KLF12: variants seen among roughly 807,000 people sequenced by gnomAD.
KLF12 encodes the protein Krueppel-like factor 12.
Under a neutral mutation model 37.8 loss-of-function variants are expected in KLF12, and 9 were observed. The observed-to-expected ratio is 0.24, with a 90% CI of 0.14 to 0.42. The LOEUF (loss-of-function observed/expected upper bound fraction) is 0.42, where lower values mean the gene tolerates loss of function less well. Ranked by LOEUF, KLF12 falls within the 10% of genes least tolerant of loss-of-function variation. The pLI is 1.00. For missense variants in KLF12, 411 were observed against 516.0 expected (o/e 0.80, Z 1.97); for synonymous variants, 208 against 202.1 (o/e 1.03, Z -0.25).
chr13:73,908,759 C>T (rs1380841534), intron 3 of KLF12, among the ~76,000 whole-genome samples: 2 of 152,066 alleles, frequency 1.3e-5, no homozygotes, highest in Admixed American at 6.5e-5. Flanking sequence ...GGATTACAGG[C>T]GTGAGCTACC....
Position 73,944,024 on chromosome 13 carries a change from G to A in KLF12, c.80C>T (p.Pro27Leu), listed in dbSNP as rs1890311110. The A allele has an allele frequency of 4.3e-6, 7 of 1,612,702 alleles. No individual in the cohort carries two copies. Among genetic ancestry groups the A allele is most frequent in the Non-Finnish European group, 5.1e-6 (6 of 1,179,384 alleles). Residue 27 changes from proline to leucine, a missense_variant, in exon 3 of 8, where the codon CCG (proline) becomes CTG (leucine). By Grantham distance (98) the Pro-to-Leu change is moderately conservative (BLOSUM62 -3). Around this residue, in one of 2 missense-constraint regions of KLF12, gnomAD observed 351 missense variants for 397.8 expected, o/e 0.88. Coordinates refer to ENST00000377669, the MANE Select transcript of KLF12 (RefSeq NM_007249.5). ...AAGCTCTGTTTTGACTCTGACTGCC[G>A]GCATCCCATCAAGCATTAACATTCT...
At chr13:73,870,640 G>A (rs966102154) in intron 3 of KLF12, among the ~76,000 whole-genome samples, 2 of 152,178 alleles carry the variant, frequency 1.3e-5, no homozygotes, top group African/African-American at 4.8e-5. Flanking sequence ...TATCCATAAT[G>A]CTAGAACATT....
chr13:74,133,849 A>T lies in KLF12; in HGVS notation c.-142T>A, dbSNP rs1566229020. The stretch of plus-strand genomic sequence containing the variant: ...CGCGCGCGCGCACACACACACACAC[A>T]CTCGCACACACACGGCGTCACCCGC... On this transcript the variant is annotated 5_prime_UTR_variant, in exon 1 of 8. Transcript: ENST00000377669. Among the ~76,000 whole-genome samples the T allele has an allele frequency of 1.5e-5, 2 of 133,228 alleles. No homozygotes were observed. The highest frequency in any genetic ancestry group is 1.7e-5 in the Non-Finnish European group (1 of 60,292). The allele number at this position is 133,228 out of a possible 152,430, so 87.4% of individuals were successfully genotyped here.
At chr13:74,267,062 C>T in the KLF12 span, among the ~76,000 whole-genome samples, 5 of 152,136 alleles carry the variant, frequency 3.3e-5, no homozygotes, top group Non-Finnish European at 7.4e-5. Context: ...CAGTCAGCCT[C>T]CCCGCCCATT....
chr13:74,260,629 A>ATAAAAT, the KLF12 span, among the ~76,000 whole-genome samples: 1 of 63,862 alleles, frequency 1.6e-5, no homozygotes, highest in African/African-American at 2.0e-4. Flanking sequence ...AAAATAAAAT[A>ATAAAAT]GTGAATTAAT....
At chr13:74,233,048 G>T in the KLF12 span, among the ~76,000 whole-genome samples, 2 of 151,986 alleles carry the variant, frequency 1.3e-5, no homozygotes, top group African/African-American at 4.8e-5. Context: ...ACCATGCCTG[G>T]CTAATTTTTT....
chr13:73,806,902 G>A (rs1882667712), intron 5 of KLF12, among the ~76,000 whole-genome samples: 1 of 151,876 alleles, frequency 6.6e-6, no homozygotes. Flanking sequence ...TCATACATGA[G>A]GAGATTAACA....
At chr13:74,157,096 G>A in the KLF12 span, among the ~76,000 whole-genome samples, 1 of 152,212 alleles carries the variant, frequency 6.6e-6, no homozygotes, top group Non-Finnish European at 1.5e-5. Flanking sequence ...ATGAATCACA[G>A]GGGACTTTCT....
intron 3 of KLF12, among the ~76,000 whole-genome samples, chr13:73,909,372 T>G (rs567666005): frequency 6.6e-6 from 1 of 152,294 alleles, no homozygotes; most frequent in East Asian, 1.9e-4. Context: ...CCAAAGTTTG[T>G]ACTAACTCTG....
chr13:73,774,264 T>C (rs1566358674), intron 5 of KLF12, among the ~76,000 whole-genome samples: 3 of 142,976 alleles, frequency 2.1e-5, no homozygotes, highest in Non-Finnish European at 3.0e-5. Context: ...TACATATACA[T>C]ATACAAACTA....
At chr13:73,817,718 G>C (rs1883310056) in intron 4 of KLF12, among the ~76,000 whole-genome samples, 1 of 152,140 alleles carries the variant, frequency 6.6e-6, no homozygotes, top group Non-Finnish European at 1.5e-5. Flanking sequence ...TTCAATTAAG[G>C]CATATGCTGC....
At chr13:73,930,941 A>G (rs931679214) in intron 3 of KLF12, among the ~76,000 whole-genome samples, 2 of 149,230 alleles carry the variant, frequency 1.3e-5, no homozygotes, top group Non-Finnish European at 3.0e-5. Context: ...TCGGCTCACA[A>G]CATCCTTCGG....
At chr13:73,756,337 C>T (rs577902212) in intron 6 of KLF12, among the ~76,000 whole-genome samples, 1 of 152,156 alleles carries the variant, frequency 6.6e-6, no homozygotes, top group South Asian at 2.1e-4. Flanking sequence ...GTTTTAAAGG[C>T]TGCATTTTTA....
At chr13:73,716,789 C>G (rs771139659) in intron 6 of KLF12, among the ~76,000 whole-genome samples, 3 of 152,006 alleles carry the variant, frequency 2.0e-5, no homozygotes, top group African/African-American at 7.2e-5. Flanking sequence ...TCATCCATGT[C>G]GATATAAATG....
At chr13:73,951,265 C>A (rs1158094663) in intron 2 of KLF12, among the ~76,000 whole-genome samples, 1 of 152,096 alleles carries the variant, frequency 6.6e-6, no homozygotes. Context: ...AGTCACTGTT[C>A]CAGTTATTTA....
In KLF12 at chr13:73,695,520, G is replaced by A. The variant is rs916863285; in HGVS notation, c.1179C>T (p.Ala393=). 5.0e-6 allele frequency: 8 copies of A among 1,613,982 alleles called. No individual in the cohort carries two copies. The highest frequency in any genetic ancestry group is 6.8e-6 in the Non-Finnish European group (8 of 1,179,966). Residue 393 remains alanine, a synonymous_variant, in exon 8 of 8, where the codon GCC becomes GCT. Transcript: ENST00000377669. ...CCAACATATGCCTCCGGCGGTGCAG[G>A]GCCAAATGATCTGACCGGGAAAAGC...
intron 2 of KLF12, among the ~76,000 whole-genome samples, chr13:73,982,059 C>CT (rs1891701217): frequency 2.6e-5 from 1 of 38,124 alleles, no homozygotes; most frequent in African/African-American, 7.2e-5. Flanking sequence ...CTTTCAAATA[C>CT]TTAATAAATT....
intron 3 of KLF12, among the ~76,000 whole-genome samples, chr13:73,927,790 G>A (rs188474916): frequency 7.5e-5 from 11 of 146,076 alleles, no homozygotes; most frequent in African/African-American, 1.5e-4. Flanking sequence ...GGGTTTCACC[G>A]TTTTAGCCAG....
At chr13:73,765,957 T>C (rs377464427) in intron 5 of KLF12, among the ~76,000 whole-genome samples, 1 of 148,126 alleles carries the variant, frequency 6.8e-6, no homozygotes, top group African/African-American at 2.4e-5. Flanking sequence ...CAGTTCTCTG[T>C]AGTTGTTTAA....
Sources: gnomAD v4.1 joint callset for allele counts (sites outside exome capture counted in the v4.1 genomes callset) on GRCh38, gnomAD v4.1.1 for gene constraint, gnomAD v4.1.1 regional missense constraint, MANE v1.5 for transcripts, NCBI Gene and HGNC (gene_info 2026-07-23, HGNC 2026-07-21) for gene names.